Variants in CDH12 observed in about 807,000 individuals in gnomAD.
CDH12 encodes cadherin-12.
A neutral mutation model predicts 74.1 loss-of-function variants in CDH12; 41 were observed. The ratio of observed to expected loss-of-function variants is 0.55; its 90% CI spans 0.43 to 0.72. CDH12 has a LOEUF of 0.72. CDH12 is among the 30% of genes least tolerant of loss of function. The pLI is 0.00. For synonymous variants in CDH12, 399 were observed against 355.0 expected, an observed-to-expected ratio of 1.12 and a Z score of -1.39; for missense variants, 945 against 977.2, an observed-to-expected ratio of 0.97 and a Z score of 0.44.
At chr5:21,892,644 G>A (rs1206077785) in intron 6 of CDH12, among the ~76,000 whole-genome samples, 3 of 151,910 alleles carry the variant, frequency 2.0e-5, no homozygotes, top group African/African-American at 7.3e-5. Flanking sequence ...AATATATAAA[G>A]TTTTACGTTT....
chr5:22,269,532 C>T lies in CDH12; in HGVS notation c.-332-56889G>A, dbSNP rs985130054. Among the ~76,000 whole-genome samples, 4 of 152,040 alleles carry T rather than the reference C, an allele frequency of 2.6e-5. No individual in the cohort carries two copies. The South Asian group carries it at 8.3e-4, about 31-fold the overall frequency. On this transcript the variant is annotated intron_variant, in intron 3 of 14. Coordinates refer to ENST00000382254, the MANE Select transcript of CDH12 (RefSeq NM_004061.5). Reference sequence around the variant, plus strand: ...TTTAACTTCTGTTTCATGTAATTTTCTTAAATTAGCCATATTAGAGCAATT... The same window carrying T: ...TTTAACTTCTGTTTCATGTAATTTTTTTAAATTAGCCATATTAGAGCAATT...
At chr5:21,814,377 T>C (rs1747927249) in intron 9 of CDH12, among the ~76,000 whole-genome samples, 1 of 152,080 alleles carries the variant, frequency 6.6e-6, no homozygotes, top group South Asian at 2.1e-4. Context: ...AAAAGGCAGA[T>C]ATGTTCTTAT....
intron 3 of CDH12, among the ~76,000 whole-genome samples, chr5:22,306,082 T>A (rs185891236): frequency 6.6e-6 from 1 of 152,360 alleles, no homozygotes; most frequent in African/African-American, 2.4e-5. Flanking sequence ...TGCTCTTTAA[T>A]GTCTTTATAC....
chr5:22,464,665 G>A (rs1036753869), intron 2 of CDH12, among the ~76,000 whole-genome samples: 2 of 152,128 alleles, frequency 1.3e-5, no homozygotes, highest in Non-Finnish European at 2.9e-5. Flanking sequence ...ACATCCTGGA[G>A]TGAGGAAAAC....
chr5:22,558,692 T>TA (rs1738911586), intron 1 of CDH12, among the ~76,000 whole-genome samples: 2 of 151,616 alleles, frequency 1.3e-5, no homozygotes, highest in East Asian at 3.9e-4. Flanking sequence ...AATTACGAAA[T>TA]AAAAAAATAA....
rs561120794 is a variant in CDH12, at chr5:22,114,598, G to A, written c.-186-35736C>T. Among the ~76,000 whole-genome samples the A allele has an allele frequency of 1.4e-4, 22 of 152,246 alleles. No individual in the cohort carries two copies. In the South Asian group the frequency reaches 3.9e-3, roughly 27 times the overall value. On this transcript the variant is annotated intron_variant, in intron 4 of 14. Coordinates refer to ENST00000382254, the MANE Select transcript of CDH12 (RefSeq NM_004061.5). ...AACAACTGTTATCATGTAAACTGCT[G>A]CACATGTGTTATTTGTTGTTTTTAA...
chr5:22,251,449 A>G lies in CDH12; in HGVS notation c.-332-38806T>C, dbSNP rs1212454246. Among the ~76,000 whole-genome samples the G allele has an allele frequency of 2.6e-5, 4 of 152,212 alleles. No homozygotes were observed. The East Asian group carries it at 7.7e-4, about 29-fold the overall frequency. ...CTGGAATTAATCTGAATCTTGAGAA[A>G]TAAAGTGGACACACAGGAAATTTTT... is the stretch of plus-strand genomic sequence containing the variant. On this transcript the variant is annotated intron_variant, in intron 3 of 14. Transcript: ENST00000382254.
At chr5:22,440,866 A>G (rs142804702) in intron 2 of CDH12, among the ~76,000 whole-genome samples, 1 of 152,326 alleles carries the variant, frequency 6.6e-6, no homozygotes, top group Non-Finnish European at 1.5e-5. Context: ...CACAGAAGAT[A>G]AAATAGTCAC....
chr5:22,288,287 TG>T (rs1450855080), intron 3 of CDH12, among the ~76,000 whole-genome samples: 6 of 152,180 alleles, frequency 3.9e-5, no homozygotes, highest in Admixed American at 3.9e-4. Flanking sequence ...AAAAGCTATC[TG>T]GGGTAAATAT....
At chr5:22,595,373 G>C (rs1170702488) in intron 1 of CDH12, among the ~76,000 whole-genome samples, 1 of 152,086 alleles carries the variant, frequency 6.6e-6, no homozygotes. Context: ...ATGATTTCAA[G>C]GAAAATGCCT....
intron 1 of CDH12, among the ~76,000 whole-genome samples, chr5:22,506,078 G>A (rs542278186): frequency 4.5e-4 from 68 of 152,076 alleles, no homozygotes; most frequent in African/African-American, 1.6e-3. Context: ...ACTTATTTCT[G>A]TTTACACAGA....
At chr5:22,475,920 TC>T (rs1358885139) in intron 2 of CDH12, among the ~76,000 whole-genome samples, 5 of 152,076 alleles carry the variant, frequency 3.3e-5, no homozygotes, top group African/African-American at 1.2e-4. Flanking sequence ...ATTATTTTTT[TC>T]TTTGAACCAT....
chr5:22,805,617 A>G (rs1748740639), intron 1 of CDH12, among the ~76,000 whole-genome samples: 1 of 152,138 alleles, frequency 6.6e-6, no homozygotes, highest in South Asian at 2.1e-4. Flanking sequence ...AATAGTAATC[A>G]TCAAACATTT....
At chr5:22,052,176 C>G (rs772375612) in intron 5 of CDH12, among the ~76,000 whole-genome samples, 10 of 152,162 alleles carry the variant, frequency 6.6e-5, no homozygotes, top group Non-Finnish European at 1.5e-4. Flanking sequence ...AAGTTAAAAA[C>G]AACGCTGTCT....
chr5:22,593,768 A>G (rs149815533), intron 1 of CDH12, among the ~76,000 whole-genome samples: 246 of 152,326 alleles, frequency 1.6e-3, no homozygotes, highest in Middle Eastern at 6.8e-3. Flanking sequence ...GTGTACAGAT[A>G]ATATATGCAG....
At chr5:21,952,811 T>A (rs1488909121) in intron 6 of CDH12, among the ~76,000 whole-genome samples, 1 of 151,208 alleles carries the variant, frequency 6.6e-6, no homozygotes, top group Admixed American at 6.6e-5. Context: ...GCCCTACGAA[T>A]GATAACATCT....
chr5:22,534,389 T>G (rs1221892414), intron 1 of CDH12, among the ~76,000 whole-genome samples: 1 of 152,170 alleles, frequency 6.6e-6, no homozygotes. Flanking sequence ...GTCCACTGTG[T>G]TATTCTTATG....
intron 1 of CDH12, among the ~76,000 whole-genome samples, chr5:22,655,312 C>G (rs541153532): frequency 6.6e-6 from 1 of 152,312 alleles, no homozygotes; most frequent in East Asian, 1.9e-4. Context: ...TATGATCATT[C>G]TAAAAGGCAA....
intron 4 of CDH12, among the ~76,000 whole-genome samples, chr5:22,203,821 T>C (rs1212760811): frequency 6.6e-6 from 1 of 152,218 alleles, no homozygotes; most frequent in Non-Finnish European, 1.5e-5. Context: ...ACTGTGTTTG[T>C]AATTTACATT....
Sources: gnomAD v4.1 joint callset for allele counts (sites outside exome capture counted in the v4.1 genomes callset) on GRCh38, gnomAD v4.1.1 for gene constraint, MANE v1.5 for transcripts, NCBI Gene and HGNC (gene_info 2026-07-23, HGNC 2026-07-21) for gene names.